The following SMAP1 variants were observed in gnomAD, a reference collection of about 807,000 sequenced individuals.
The protein encoded by SMAP1 is stromal membrane-associated protein 1.
A neutral mutation model predicts 58.5 loss-of-function variants in SMAP1; 24 were observed. That is an observed-to-expected ratio of 0.41 (90% confidence interval 0.30 to 0.58). The LOEUF (loss-of-function observed/expected upper bound fraction) is 0.58. SMAP1 is among the 20% of genes least tolerant of loss of function. The pLI is 0.29. For synonymous variants in SMAP1, 216 were observed against 196.6 expected (o/e 1.10, Z -0.82); for missense variants, 563 against 566.3 (o/e 0.99, Z 0.06).
chr6:70,674,690 G>C (rs993521838), intron 1 of SMAP1, among the ~76,000 whole-genome samples: 1 of 152,160 alleles, frequency 6.6e-6, no homozygotes, highest in Non-Finnish European at 1.5e-5. Context: ...AAAAGTTTTG[G>C]ATGCCGGGTG....
intron 1 of SMAP1, chr6:70,668,702 T>C: frequency 3.3e-6 from 5 of 1,536,074 alleles, no homozygotes; most frequent in Non-Finnish European, 4.4e-6. Flanking sequence ...AAAAAGAGTA[T>C]GGTGGTCTTT....
chr6:70,794,712 C>T (rs1768521485), intron 5 of SMAP1, among the ~76,000 whole-genome samples: 1 of 151,924 alleles, frequency 6.6e-6, no homozygotes, highest in South Asian at 2.1e-4. Context: ...TCATCCATGT[C>T]CCTAGAAAGG....
intron 5 of SMAP1, among the ~76,000 whole-genome samples, chr6:70,792,522 A>T (rs1768408431): frequency 6.6e-6 from 1 of 152,204 alleles, no homozygotes; most frequent in South Asian, 2.1e-4. Flanking sequence ...ATAGCAGTTT[A>T]TAATACAATA....
intron 2 of SMAP1, among the ~76,000 whole-genome samples, chr6:70,746,840 C>T (rs1376398499): frequency 6.6e-6 from 1 of 152,060 alleles, no homozygotes; most frequent in East Asian, 1.9e-4. Context: ...ATTATTGCCT[C>T]AATTTCAGAG....
intron 1 of SMAP1, among the ~76,000 whole-genome samples, chr6:70,727,585 G>A (rs916925177): frequency 6.6e-6 from 1 of 152,168 alleles, no homozygotes; most frequent in South Asian, 2.1e-4. Flanking sequence ...TGTCATCTTC[G>A]TTTAATACTT....
At chr6:70,783,315 C>T (rs186120338) in intron 4 of SMAP1, among the ~76,000 whole-genome samples, 1 of 152,132 alleles carries the variant, frequency 6.6e-6, no homozygotes, top group Non-Finnish European at 1.5e-5. Context: ...TCACCATCAT[C>T]AAAGACCAAA....
intron 3 of SMAP1, among the ~76,000 whole-genome samples, chr6:70,758,408 A>G (rs1004606024): frequency 2.0e-5 from 3 of 149,218 alleles, no homozygotes; most frequent in African/African-American, 7.4e-5. Context: ...ATTGGGAGAT[A>G]TACCTAATGC....
intron 1 of SMAP1, among the ~76,000 whole-genome samples, chr6:70,712,125 A>G (rs1768080760): frequency 6.6e-6 from 1 of 152,138 alleles, no homozygotes; most frequent in Admixed American, 6.5e-5. Context: ...TTCTGTCGAA[A>G]GTTTTTATTA....
chr6:70,723,053 T>TATAATAA (rs1408397409), intron 1 of SMAP1, among the ~76,000 whole-genome samples: 2 of 152,244 alleles, frequency 1.3e-5, no homozygotes, highest in African/African-American at 4.8e-5. Context: ...CATTTCTGAG[T>TATAATAA]AAACTTTTAT....
In SMAP1 at chr6:70,794,053, C is replaced by G. The variant is rs547699140; in HGVS notation, c.495+2284C>G. 1.8e-4 allele frequency among the ~76,000 whole-genome samples: 28 copies of G among 151,964 alleles called. No homozygotes were observed. In the South Asian group the frequency reaches 2.5e-3, roughly 13 times the overall value. ...CGGCCCTATGTCTTTATTTAAATCA[C>G]TCAAGTATAGTTTGATTATAATGAA... On this transcript the variant is annotated intron_variant, in intron 5 of 10. Transcript: ENST00000370455.
chr6:70,672,334 C>A (rs1254835092), intron 1 of SMAP1, among the ~76,000 whole-genome samples: 1 of 152,154 alleles, frequency 6.6e-6, no homozygotes, highest in Non-Finnish European at 1.5e-5. Flanking sequence ...GACCTTTGCA[C>A]GTGCTGTTCT....
At chr6:70,721,910 C>T (rs550635834) in intron 1 of SMAP1, among the ~76,000 whole-genome samples, 1 of 152,258 alleles carries the variant, frequency 6.6e-6, no homozygotes, top group African/African-American at 2.4e-5. Flanking sequence ...GCCCCGGATC[C>T]CTCCCACAAC....
At chr6:70,831,077 C>G (rs1394574809) in intron 6 of SMAP1, among the ~76,000 whole-genome samples, 1 of 152,074 alleles carries the variant, frequency 6.6e-6, no homozygotes, top group Non-Finnish European at 1.5e-5. Flanking sequence ...CTGGATTCTT[C>G]AATGTGACAA....
At chr6:70,808,157 G>T (rs1423312435) in intron 6 of SMAP1, among the ~76,000 whole-genome samples, 1 of 152,116 alleles carries the variant, frequency 6.6e-6, no homozygotes, top group Non-Finnish European at 1.5e-5. Flanking sequence ...TGTCTCAGAG[G>T]TGGCAGAGGT....
chr6:70,775,376 A>G (rs953941745), intron 4 of SMAP1, among the ~76,000 whole-genome samples: 1 of 152,138 alleles, frequency 6.6e-6, no homozygotes, highest in African/African-American at 2.4e-5. Flanking sequence ...TTTACATAGT[A>G]ATGTGTAAGA....
chr6:70,675,194 T>A, intron 1 of SMAP1, among the ~76,000 whole-genome samples: 1 of 122,948 alleles, frequency 8.1e-6, no homozygotes, highest in African/African-American at 3.1e-5. Flanking sequence ...ACAAATTATA[T>A]AGTGTTTTTT....
At chr6:70,810,841 C>T (rs763360936) in intron 6 of SMAP1, among the ~76,000 whole-genome samples, 1 of 152,114 alleles carries the variant, frequency 6.6e-6, no homozygotes, top group African/African-American at 2.4e-5. Flanking sequence ...CACCTGGCTC[C>T]CCTTTTTTTA....
intron 2 of SMAP1, among the ~76,000 whole-genome samples, chr6:70,736,277 T>C (rs1480566246): frequency 6.6e-6 from 1 of 152,224 alleles, no homozygotes; most frequent in Non-Finnish European, 1.5e-5. Flanking sequence ...GTTCTTTTAA[T>C]GTGGTTCATG....
At chr6:70,835,779 T>A (rs1344726872) in intron 6 of SMAP1, among the ~76,000 whole-genome samples, 2 of 152,206 alleles carry the variant, frequency 1.3e-5, no homozygotes, top group African/African-American at 4.8e-5. Context: ...AGTGCTGGTA[T>A]TACAGGTGTG....
Sources: allele counts gnomAD v4.1 joint callset (sites outside exome capture counted in the v4.1 genomes callset), GRCh38; gene constraint gnomAD v4.1.1; transcripts MANE v1.5; gene names NCBI Gene and HGNC (gene_info 2026-07-23, HGNC 2026-07-21).